The following SIAH3 variants were observed in gnomAD, a reference collection of about 807,000 sequenced individuals.
SIAH3 encodes the protein siah E3 ubiquitin protein ligase family member 3.
A neutral mutation model predicts 12.6 loss-of-function variants in SIAH3; 9 were observed. The observed-to-expected ratio is 0.72, with a 90% CI of 0.43 to 1.25. The LOEUF is 1.25. SIAH3 is among the 50% of genes most tolerant of loss of function. The pLI is 0.00. For missense variants in SIAH3, 390 were observed against 365.4 expected, an observed-to-expected ratio of 1.07 and a Z score of -0.55; for synonymous variants, 154 against 151.1, an observed-to-expected ratio of 1.02 and a Z score of -0.14.
intron 1 of SIAH3, among the ~76,000 whole-genome samples, chr13:45,812,966 C>G (rs1053815534): frequency 2.6e-5 from 4 of 152,232 alleles, no homozygotes; most frequent in Non-Finnish European, 5.9e-5. Context: ...AGAAGGAAGC[C>G]AGTGTATTGA....
Position 45,784,035 on chromosome 13 carries a change from A to ACGGCGCGCCGACTGG in SIAH3, c.143_157dup (p.Ala52_Val53insAlaSerArgArgAla), listed in dbSNP as rs769472222. ...GCCTTGCTCTGGAGCGCTCTGAGTG[A>ACGGCGCGCCGACTGG]CGGCGCGCCGACTGGACACATACTG... On this transcript the variant is annotated inframe_insertion, in exon 2 of 2. Transcript: ENST00000400405. 3.1e-6 allele frequency: 5 copies of ACGGCGCGCCGACTGG among 1,594,246 alleles called. No homozygotes were observed. In the East Asian group the frequency reaches 8.9e-5, roughly 28 times the overall value.
intron 1 of SIAH3, among the ~76,000 whole-genome samples, chr13:45,812,317 T>G (rs1317395029): frequency 6.6e-6 from 1 of 152,184 alleles, no homozygotes; most frequent in Non-Finnish European, 1.5e-5. Context: ...GAGCCCATTT[T>G]ATAGACAAGG....
chr13:45,804,659 G>A (rs141401922), intron 1 of SIAH3, among the ~76,000 whole-genome samples: 2 of 151,984 alleles, frequency 1.3e-5, no homozygotes, highest in Non-Finnish European at 2.9e-5. Flanking sequence ...ACTGAAACAC[G>A]ACAAGGATGG....
intron 1 of SIAH3, among the ~76,000 whole-genome samples, chr13:45,795,137 A>G (rs1044719425): frequency 1.3e-5 from 2 of 152,120 alleles, no homozygotes; most frequent in African/African-American, 2.4e-5. Flanking sequence ...TCCAAACATG[A>G]CTCAAACCAA....
chr13:45,838,573 G>A (rs916888619), intron 1 of SIAH3, among the ~76,000 whole-genome samples: 4 of 152,092 alleles, frequency 2.6e-5, no homozygotes, highest in African/African-American at 4.8e-5. Context: ...ACGCTGGGGG[G>A]CACTGTGACA....
At chr13:45,792,558 A>G (rs1950549430) in intron 1 of SIAH3, among the ~76,000 whole-genome samples, 1 of 152,000 alleles carries the variant, frequency 6.6e-6, no homozygotes, top group Non-Finnish European at 1.5e-5. Context: ...GGATTTCACC[A>G]TGTTGGCCGG....
chr13:45,823,527 C>T (rs555607675), intron 1 of SIAH3, among the ~76,000 whole-genome samples: 4 of 152,254 alleles, frequency 2.6e-5, no homozygotes, highest in South Asian at 2.1e-4. Flanking sequence ...TGAAATCTAC[C>T]GTTGATATGC....
chr13:45,783,279 A>G lies in SIAH3; in HGVS notation c.*104T>C. 2.5e-6 allele frequency: 2 copies of G among 811,340 alleles called. No individual in the cohort carries two copies. Among genetic ancestry groups the G allele is most frequent in the Non-Finnish European group, 3.5e-6 (2 of 569,416 alleles). 50.3% of individuals were successfully genotyped at this position (811,340 alleles called of 1,614,324 possible). ...AATAATAATTAAAAATTAAAAAAAA[A>G]AAAAAGAAAGGAGAAGAATAAAAAG... On this transcript the variant is annotated 3_prime_UTR_variant, in exon 2 of 2. Transcript: ENST00000400405.
At chr13:45,789,125 C>A (rs1162684862) in intron 1 of SIAH3, among the ~76,000 whole-genome samples, 1 of 152,136 alleles carries the variant, frequency 6.6e-6, no homozygotes, top group Non-Finnish European at 1.5e-5. Flanking sequence ...TGCTTCCAAA[C>A]AGGTAAGAAA....
At chr13:45,802,077 C>T (rs536947157) in intron 1 of SIAH3, among the ~76,000 whole-genome samples, 19 of 152,110 alleles carry the variant, frequency 1.2e-4, no homozygotes, top group African/African-American at 3.9e-4. Context: ...GAGGCTGAAG[C>T]GGTGGATCAC....
chr13:45,817,144 G>T (rs1950637475), intron 1 of SIAH3, among the ~76,000 whole-genome samples: 1 of 152,232 alleles, frequency 6.6e-6, no homozygotes, highest in Non-Finnish European at 1.5e-5. Context: ...ACAGAGTCAT[G>T]CACTGCATAA....
chr13:45,779,368 G>A lies in SIAH3; in HGVS notation c.*4015C>T, dbSNP rs1950495501. ...AAGATTAACAACCAGAATACAAGCA[G>A]CTCTAGTACTCCACTAGGTCTTGGG... On this transcript the variant is annotated 3_prime_UTR_variant, in exon 2 of 2. Coordinates refer to ENST00000400405, the MANE Select transcript of SIAH3 (RefSeq NM_198849.3). The A allele has an allele frequency of 6.6e-6, 1 of 152,128 alleles. No homozygotes were observed. Among genetic ancestry groups the A allele is most frequent in the Admixed American group, 6.5e-5 (1 of 15,274 alleles). The allele number at this position is 152,128 out of a possible 1,614,324, so 9.4% of individuals were successfully genotyped here.
intron 1 of SIAH3, among the ~76,000 whole-genome samples, chr13:45,818,310 G>A (rs1397804876): frequency 6.6e-6 from 1 of 152,076 alleles, no homozygotes; most frequent in Non-Finnish European, 1.5e-5. Context: ...GTCTGCTCCT[G>A]GAAGAACTCA....
chr13:45,801,100 G>GA (rs58273504), intron 1 of SIAH3, among the ~76,000 whole-genome samples: 45,157 of 144,486 alleles, frequency 0.31, 7,834 homozygotes, highest in Non-Finnish European at 0.39. Flanking sequence ...GGTGGCGGGG[G>GA]GGGGCATGGC....
intron 1 of SIAH3, among the ~76,000 whole-genome samples, chr13:45,846,829 G>A (rs147501021): frequency 3.0e-4 from 45 of 152,212 alleles, no homozygotes; most frequent in African/African-American, 1.1e-3. Flanking sequence ...CTCAATCACC[G>A]GCACAGGGCT....
intron 1 of SIAH3, among the ~76,000 whole-genome samples, chr13:45,832,553 T>A (rs1206797458): frequency 2.0e-5 from 3 of 152,242 alleles, no homozygotes; most frequent in African/African-American, 7.2e-5. Context: ...TATCCCATTG[T>A]ATGTATCTGC....
chr13:45,820,396 G>C lies in SIAH3; in HGVS notation c.135+31099C>G, dbSNP rs190405159. ...GTCTGGGCTGCGGGCCAGGGGCTGC[G>C]TCTCCTCACACTACTGCATTCTGGT... On this transcript the variant is annotated intron_variant, in intron 1 of 1. Transcript: ENST00000400405. 1.9e-3 allele frequency among the ~76,000 whole-genome samples: 287 copies of C among 152,280 alleles called. 2 individuals are homozygous for C. Among genetic ancestry groups the C allele is most frequent in the African/African-American group, 6.5e-3 (269 of 41,558 alleles).
At chr13:45,811,810 C>T (rs1318663243) in intron 1 of SIAH3, among the ~76,000 whole-genome samples, 4 of 152,178 alleles carry the variant, frequency 2.6e-5, no homozygotes, top group Non-Finnish European at 4.4e-5. Context: ...TCATTTTTGC[C>T]TCTTGGGTGC....
At chr13:45,826,375 GAA>G (rs1566094809) in intron 1 of SIAH3, among the ~76,000 whole-genome samples, 913 of 10,414 alleles carry the variant, frequency 0.088, 436 homozygotes, top group East Asian at 0.31. Context: ...ATGGATGGAT[GAA>G]TGAATGGATG....
Sources: gnomAD v4.1 joint callset for allele counts (sites outside exome capture counted in the v4.1 genomes callset) on GRCh38, gnomAD v4.1.1 for gene constraint, MANE v1.5 for transcripts, NCBI Gene and HGNC (gene_info 2026-07-23, HGNC 2026-07-21) for gene names.